SYN1: variants seen among roughly 807,000 people sequenced by gnomAD.
The protein encoded by SYN1 is synapsin I, also known as synapsin-1.
A neutral mutation model predicts 44.6 loss-of-function variants in SYN1; 8 were observed. That is an observed-to-expected ratio of 0.18 (90% CI 0.11 to 0.32). The LOEUF (loss-of-function observed/expected upper bound fraction) is 0.32, where lower values mean the gene tolerates loss of function less well. Ranked by LOEUF, SYN1 falls within the 10% of genes least tolerant of loss-of-function variation. The pLI is 1.00. For synonymous variants in SYN1, 275 were observed against 280.1 expected, an observed-to-expected ratio of 0.98 and a Z score of 0.18; for missense variants, 451 against 639.4, an observed-to-expected ratio of 0.71 and a Z score of 3.18.
In SYN1 at chrX:47,577,165, T is replaced by C; in HGVS notation, c.837+274A>G. ...GGCATGCATGTACACACAGACACGA[T>C]GCTGGAGACAAGCAAAATAACAGGA... On this transcript the variant is annotated intron_variant, in intron 6 of 12. Coordinates refer to ENST00000295987, the MANE Select transcript of SYN1 (RefSeq NM_006950.3). 2.7e-5 allele frequency among the ~76,000 whole-genome samples: 3 copies of C among 110,784 alleles called. 1 individual carries two copies. The Middle Eastern group carries it at 0.014, about 515-fold the overall frequency.
intron 12 of SYN1, among the ~76,000 whole-genome samples, 182 bp downstream of exon 12, chrX:47,573,820 A>G (rs1053102938): frequency 9.0e-6 from 1 of 110,533 alleles, no homozygotes; most frequent in Non-Finnish European, 1.9e-5. Flanking sequence ...GGGGGTGCGG[A>G]GCCTCTGGTG....
At chrX:47,586,852 C>T (rs1372464632) in intron 5 of SYN1, 3 of 657,171 alleles carry the variant, frequency 4.6e-6, no homozygotes, top group African/African-American at 4.4e-5. Context: ...GTGTGAGCAC[C>T]CTGGGACCAG....
rs1274863895 is a variant in SYN1, at chrX:47,576,240, A to C, written c.1056-7T>G. 10 of 1,200,224 alleles carry C rather than the reference A, an allele frequency of 8.3e-6. No individual in the cohort carries two copies. The African/African-American group carries it at 1.8e-4, about 21-fold the overall frequency. On this transcript the variant is annotated splice_region_variant and splice_polypyrimidine_tract_variant and intron_variant, in intron 8 of 12. Coordinates refer to ENST00000295987, the MANE Select transcript of SYN1 (RefSeq NM_006950.3). ...GTCCACCCACAGCTTGTATCTGCCA[A>C]GACAAAGGGTGGGGAAGCCTGTCAG...
In SYN1 at chrX:47,606,973, C is replaced by T; in HGVS notation, c.499G>A (p.Val167Ile). 8.3e-7 allele frequency: 1 copy of T among 1,211,030 alleles called. No individual in the cohort carries two copies. The highest frequency in any genetic ancestry group is 1.8e-5 in the South Asian group (1 of 56,904). ...ACGACCTTCACCCCATTCCGAAGAACTTCCATATCCACAGAGAATCCACCA... is the reference window on the plus strand; with the variant it reads ...ACGACCTTCACCCCATTCCGAAGAATTTCCATATCCACAGAGAATCCACCA... ...ANGGFSVDME[V>I]LRNGVKVVRS... is the part of the protein sequence containing the mutation. Residue 167 changes from valine to isoleucine, a missense_variant, in exon 3 of 13, where the codon GTT (valine) becomes ATT (isoleucine). Physicochemically the swap from Val to Ile is conservative, Grantham distance 29 (BLOSUM62 3). Transcript: ENST00000295987.
At chrX:47,585,458 C>T in intron 5 of SYN1, 3 of 1,192,067 alleles carry the variant, frequency 2.5e-6, no homozygotes, top group Non-Finnish European at 3.4e-6. Flanking sequence ...CAATTTCAGT[C>T]TATCAGAAGG....
At chrX:47,604,790 A>C in intron 5 of SYN1, 188 bp downstream of exon 5, 1 of 474,445 alleles carries the variant, frequency 2.1e-6, no homozygotes. Flanking sequence ...AGAATGGATC[A>C]TGATTTAGTT....
At chrX:47,598,856 A>C (rs1299050369) in intron 5 of SYN1, among the ~76,000 whole-genome samples, 1 of 109,410 alleles carries the variant, frequency 9.1e-6, no homozygotes, top group African/African-American at 3.3e-5. Flanking sequence ...ATAAATAAAA[A>C]ATAAAAAACT....
Position 47,574,215 on chromosome X carries a change from G to A in SYN1, c.1769C>T (p.Pro590Leu). ...GGCTGGGCCTGGGGGTTTCTGGGGC[G>A]GGCCCTGGCGCTGCTGCCCGCCCGG... ...APPGGQQRQG[P>L]PQKPPGPAGP... The change falls in exon 12 of 13, where the codon CCG (proline) becomes CTG (leucine). Residue 590 changes from proline to leucine, a missense_variant. Physicochemically the swap from Pro to Leu is moderately conservative, Grantham distance 98. This residue lies in a region of SYN1 where 127 missense variants were observed against 154.8 expected (regional missense o/e 0.82). Coordinates refer to ENST00000295987, the MANE Select transcript of SYN1 (RefSeq NM_006950.3). 2 of 1,078,799 alleles carry A rather than the reference G, an allele frequency of 1.9e-6. No homozygotes were observed. Among genetic ancestry groups the A allele is most frequent in the Non-Finnish European group, 1.2e-6 (1 of 837,419 alleles). The allele number at this position is 1,078,799 out of a possible 1,213,427, so 88.9% of individuals were successfully genotyped here.
intron 5 of SYN1, among the ~76,000 whole-genome samples, chrX:47,589,035 C>G (rs2057837612): frequency 9.0e-6 from 1 of 111,497 alleles, no homozygotes; most frequent in Non-Finnish European, 1.9e-5. Flanking sequence ...GTCATGGTGG[C>G]TGACGCCTGT....
intron 5 of SYN1, 133 bp downstream of exon 5, chrX:47,604,845 G>A: frequency 1.6e-6 from 1 of 612,238 alleles, no homozygotes; most frequent in South Asian, 2.4e-5. Context: ...CTATCACAAA[G>A]CAACTTCATG....
chrX:47,596,246 C>A (rs774056039), intron 5 of SYN1, among the ~76,000 whole-genome samples: 282 of 112,442 alleles, frequency 2.5e-3, no homozygotes, highest in African/African-American at 8.4e-3. Context: ...TTTTCAGAAA[C>A]AATTAGCAGC....
chrX:47,589,304 A>G (rs2057839068), intron 5 of SYN1, among the ~76,000 whole-genome samples: 1 of 103,560 alleles, frequency 9.7e-6, no homozygotes, highest in Non-Finnish European at 2.0e-5. Flanking sequence ...CAAAAAAAAA[A>G]AAAAAAAGGC....
chrX:47,572,818 C>T lies in SYN1; in HGVS notation c.*46G>A. On this transcript the variant is annotated 3_prime_UTR_variant, in exon 13 of 13. Coordinates refer to ENST00000295987, the MANE Select transcript of SYN1 (RefSeq NM_006950.3). ...CAAAAGTGAGAAATGGATTCAGGGCCCAGAGAAGGGTTGCCCAGGGATTTT... is the reference window on the plus strand; with the variant it reads ...CAAAAGTGAGAAATGGATTCAGGGCTCAGAGAAGGGTTGCCCAGGGATTTT... 1 of 1,209,398 alleles carries T rather than the reference C, an allele frequency of 8.3e-7. No homozygotes were observed. Among genetic ancestry groups the T allele is most frequent in the Non-Finnish European group, 1.1e-6 (1 of 894,017 alleles).
At chrX:47,586,599 T>G (rs2057828065) in intron 5 of SYN1, 2 of 1,211,833 alleles carry the variant, frequency 1.7e-6, no homozygotes, top group East Asian at 5.9e-5. Flanking sequence ...CCTCCAAGGC[T>G]CTGAAAAGGG....
chrX:47,593,854 G>A (rs1473993584), intron 5 of SYN1, among the ~76,000 whole-genome samples: 2 of 111,911 alleles, frequency 1.8e-5, no homozygotes, highest in East Asian at 5.6e-4. Context: ...TTTTCATCTA[G>A]GTTTTCTATT....
At chrX:47,576,971 A>G (rs1238601155) in intron 6 of SYN1, among the ~76,000 whole-genome samples, 2 of 111,991 alleles carry the variant, frequency 1.8e-5, no homozygotes, top group Non-Finnish European at 3.8e-5. Flanking sequence ...ATAGGCATCC[A>G]GACACAAAAT....
At chrX:47,596,906 T>C (rs1281556891) in intron 5 of SYN1, among the ~76,000 whole-genome samples, 1 of 112,278 alleles carries the variant, frequency 8.9e-6, no homozygotes, top group Non-Finnish European at 1.9e-5. Context: ...TTAGACTTAA[T>C]AGGCAAAAAC....
Position 47,618,883 on chromosome X carries a change from C to T in SYN1, c.377+469G>A, listed in dbSNP as rs763293113. 8.3e-4 allele frequency among the ~76,000 whole-genome samples: 92 copies of T among 111,366 alleles called. 1 individual carries two copies. The highest frequency in any genetic ancestry group is 1.3e-3 in the Non-Finnish European group (67 of 53,009). ...GCCTCAGGGCAAGGGTTGAGGAGAA[C>T]AGGACAGTATCAGGCTCTCAAAGAA... On this transcript the variant is annotated intron_variant, in intron 1 of 12. Coordinates refer to ENST00000295987, the MANE Select transcript of SYN1 (RefSeq NM_006950.3).
intron 3 of SYN1, among the ~76,000 whole-genome samples, 194 bp downstream of exon 3, chrX:47,606,751 A>ATTT (rs4066713): frequency 7.8e-4 from 73 of 93,243 alleles, no homozygotes; most frequent in African/African-American, 2.9e-3. Flanking sequence ...ATATATATAT[A>ATTT]TTTTTTTTTA....
Sources: allele counts gnomAD v4.1 joint callset (sites outside exome capture counted in the v4.1 genomes callset), GRCh38; gene constraint gnomAD v4.1.1; regional missense constraint gnomAD v4.1.1; transcripts MANE v1.5; gene names NCBI Gene and HGNC (gene_info 2026-07-23, HGNC 2026-07-21).